CTNND2: variants seen among roughly 807,000 people sequenced by gnomAD.
The protein encoded by CTNND2 is catenin delta 2.
Under a neutral mutation model 144.4 loss-of-function variants are expected in CTNND2, and 22 were observed. The ratio of observed to expected loss-of-function variants is 0.15; its 90% CI spans 0.11 to 0.22. CTNND2 has a LOEUF of 0.22. CTNND2 is among the 10% of genes least tolerant of loss of function. The pLI, the probability that CTNND2 is intolerant of heterozygous loss-of-function variation, is 1.00. For missense variants in CTNND2, 1,353 were observed against 1,618.8 expected (o/e 0.84, Z 2.82); for synonymous variants, 751 against 695.6 (o/e 1.08, Z -1.25).
intron 3 of CTNND2, among the ~76,000 whole-genome samples, chr5:11,483,308 G>A (rs1028281746): frequency 6.6e-6 from 1 of 152,204 alleles, no homozygotes; most frequent in Non-Finnish European, 1.5e-5. Flanking sequence ...CACTCAGGAA[G>A]AGTGGATTGG....
intron 9 of CTNND2, among the ~76,000 whole-genome samples, chr5:11,310,810 A>ACATGCACT (rs1331491028): frequency 6.7e-6 from 1 of 150,148 alleles, no homozygotes; most frequent in Non-Finnish European, 1.5e-5. Flanking sequence ...CCCTCACCCC[A>ACATGCACT]CATGCACTCA....
At chr5:11,254,578 T>C (rs1400895694) in intron 9 of CTNND2, among the ~76,000 whole-genome samples, 1 of 152,162 alleles carries the variant, frequency 6.6e-6, no homozygotes, top group Non-Finnish European at 1.5e-5. Context: ...AAGGCTTTCT[T>C]CTACTAGGTC....
At chr5:11,881,994 A>C (rs977733786) in intron 1 of CTNND2, among the ~76,000 whole-genome samples, 3 of 152,024 alleles carry the variant, frequency 2.0e-5, no homozygotes, top group African/African-American at 7.2e-5. Flanking sequence ...AGAGCTGTAG[A>C]TCATTTTTTC....
chr5:11,696,811 A>G (rs756945123), intron 2 of CTNND2, among the ~76,000 whole-genome samples: 3 of 152,220 alleles, frequency 2.0e-5, no homozygotes, highest in Non-Finnish European at 2.9e-5. Flanking sequence ...GACATGCTGC[A>G]TAATAGCTGA....
chr5:11,324,199 C>A (rs778073099), intron 9 of CTNND2, among the ~76,000 whole-genome samples: 1 of 152,020 alleles, frequency 6.6e-6, no homozygotes, highest in Non-Finnish European at 1.5e-5. Context: ...CAGCAGGGAC[C>A]CAGAGTAGGC....
intron 6 of CTNND2, among the ~76,000 whole-genome samples, chr5:11,389,610 A>G (rs1461037768): frequency 6.6e-6 from 1 of 152,210 alleles, no homozygotes; most frequent in East Asian, 1.9e-4. Context: ...TAGAAAAAAT[A>G]TTGAAATGGG....
intron 2 of CTNND2, among the ~76,000 whole-genome samples, chr5:11,672,640 T>A (rs573128351): frequency 2.4e-4 from 36 of 152,214 alleles, no homozygotes; most frequent in African/African-American, 8.4e-4. Context: ...AGCTTGAGCA[T>A]CCCAGGTAGA....
chr5:11,033,797 T>G (rs1743760810), intron 16 of CTNND2, among the ~76,000 whole-genome samples: 1 of 152,118 alleles, frequency 6.6e-6, no homozygotes, highest in South Asian at 2.1e-4. Context: ...GCCACTGTAC[T>G]CCAGCCCAGG....
At chr5:11,483,973 G>GCATAGT (rs1768542400) in intron 3 of CTNND2, among the ~76,000 whole-genome samples, 1 of 152,176 alleles carries the variant, frequency 6.6e-6, no homozygotes, top group Admixed American at 6.5e-5. Flanking sequence ...CTGAAAGCAG[G>GCATAGT]CATAGTCATA....
chr5:11,558,250 G>A (rs1229511954), intron 3 of CTNND2, among the ~76,000 whole-genome samples: 1 of 152,140 alleles, frequency 6.6e-6, no homozygotes, highest in East Asian at 1.9e-4. Context: ...GAAAGAACAT[G>A]TCAAGGTCAC....
At chr5:11,265,855 G>T (rs1028890895) in intron 9 of CTNND2, among the ~76,000 whole-genome samples, 3 of 151,884 alleles carry the variant, frequency 2.0e-5, no homozygotes, top group Non-Finnish European at 4.4e-5. Flanking sequence ...GGGATTACAG[G>T]ATCGCACCAC....
In CTNND2 at chr5:11,527,481, C is replaced by T. The variant is rs550017117; in HGVS notation, c.287+37463G>A. 8.5e-5 allele frequency among the ~76,000 whole-genome samples: 13 copies of T among 152,310 alleles called. No individual in the cohort carries two copies. In the South Asian group the frequency reaches 2.3e-3, roughly 27 times the overall value. On this transcript the variant is annotated intron_variant, in intron 3 of 21. Transcript: ENST00000304623. ...TCCCACCCCCTGTACCCTTCCCACCCATCCACCTCTAGGCAGAACTCAGGC... is the reference window on the plus strand; with the variant it reads ...TCCCACCCCCTGTACCCTTCCCACCTATCCACCTCTAGGCAGAACTCAGGC...
At chr5:11,662,261 A>ATATACATATATGTGTGTATATATG (rs1561669576) in intron 2 of CTNND2, among the ~76,000 whole-genome samples, 2 of 126,902 alleles carry the variant, frequency 1.6e-5, no homozygotes, top group South Asian at 2.4e-4. Flanking sequence ...GTGTGTATAT[A>ATATACATATATGTGTGTATATATG]TGTGTGTGTG....
At chr5:11,821,299 A>G (rs1793292862) in intron 1 of CTNND2, among the ~76,000 whole-genome samples, 1 of 152,206 alleles carries the variant, frequency 6.6e-6, no homozygotes, top group Non-Finnish European at 1.5e-5. Flanking sequence ...TTAAATGTGT[A>G]GTCTGTACAG....
chr5:11,344,261 G>A (rs1455187721), intron 9 of CTNND2, among the ~76,000 whole-genome samples: 5 of 151,998 alleles, frequency 3.3e-5, no homozygotes, highest in African/African-American at 1.2e-4. Context: ...GCGCGGTGGC[G>A]GGCGCCTGTA....
intron 16 of CTNND2, among the ~76,000 whole-genome samples, chr5:11,066,196 T>C (rs940674556): frequency 1.3e-5 from 2 of 152,090 alleles, no homozygotes; most frequent in Non-Finnish European, 2.9e-5. Context: ...CACGCCACCA[T>C]ACCCAGATAA....
intron 10 of CTNND2, among the ~76,000 whole-genome samples, chr5:11,207,562 T>A (rs1299432053): frequency 6.6e-6 from 1 of 152,194 alleles, no homozygotes; most frequent in African/African-American, 2.4e-5. Context: ...CTCACTTCTC[T>A]GAATTCTGAT....
At chr5:11,309,083 G>A (rs1358232657) in intron 9 of CTNND2, among the ~76,000 whole-genome samples, 1 of 152,190 alleles carries the variant, frequency 6.6e-6, no homozygotes, top group Non-Finnish European at 1.5e-5. Flanking sequence ...TCCAACATTG[G>A]GGATTCGAAT....
chr5:11,643,602 AT>A (rs1234994533), intron 2 of CTNND2, among the ~76,000 whole-genome samples: 2 of 151,956 alleles, frequency 1.3e-5, no homozygotes, highest in East Asian at 3.9e-4. Context: ...TCCATGGTGT[AT>A]TATGTGCCAC....
Sources: gnomAD v4.1 joint callset for allele counts (sites outside exome capture counted in the v4.1 genomes callset) on GRCh38, gnomAD v4.1.1 for gene constraint, MANE v1.5 for transcripts, NCBI Gene and HGNC (gene_info 2026-07-23, HGNC 2026-07-21) for gene names.